ANKRD44: variants seen among roughly 807,000 people sequenced by gnomAD.
ANKRD44 encodes serine/threonine-protein phosphatase 6 regulatory ankyrin repeat subunit B.
In ANKRD44, 35 loss-of-function variants were observed where a neutral mutation model predicts 116.0. The ratio of observed to expected loss-of-function variants is 0.30; its 90% CI spans 0.23 to 0.40. The LOEUF (loss-of-function observed/expected upper bound fraction) is 0.40, where lower values mean the gene tolerates loss of function less well. Ranked by LOEUF, ANKRD44 falls within the 10% of genes least tolerant of loss-of-function variation. ANKRD44 has a pLI of 1.00. For synonymous variants in ANKRD44, 435 were observed against 461.8 expected, an observed-to-expected ratio of 0.94 and a Z score of 0.74; for missense variants, 1,014 against 1,242.6, an observed-to-expected ratio of 0.82 and a Z score of 2.77.
Position 196,993,637 on chromosome 2 carries a change from C to T in ANKRD44, c.2869G>A (p.Val957Ile), listed in dbSNP as rs2075960080. Residue 957 changes from valine to isoleucine, a missense_variant, in exon 27 of 28, where the codon GTA (valine) becomes ATA (isoleucine). Transcript: ENST00000282272. ...CCTTTGGCCAGCAACTCCTCAACTA[C>T]CACCTTTAAGCCATTGCGCGCAGCG... is the stretch of plus-strand genomic sequence containing the variant. The part of the protein sequence containing the change: ...HVAARNGLKV[V>I]VEELLAKGAC... The T allele has an allele frequency of 5.2e-6, 8 of 1,550,958 alleles. No individual in the cohort carries two copies. The highest frequency in any genetic ancestry group is 1.7e-4 in the Middle Eastern group (1 of 5,998).
chr2:196,983,634 C>G (rs1016184646), downstream of ANKRD44, among the ~76,000 whole-genome samples: 2 of 152,190 alleles, frequency 1.3e-5, no homozygotes, highest in African/African-American at 4.8e-5. Flanking sequence ...TTTTTGTGCT[C>G]TAAAAGTACT....
intron 1 of ANKRD44, among the ~76,000 whole-genome samples, chr2:197,303,563 T>C (rs2083977533): frequency 6.6e-6 from 1 of 152,200 alleles, no homozygotes; most frequent in Non-Finnish European, 1.5e-5. Flanking sequence ...GTCTCCCTAA[T>C]TTTACTAAAA....
chr2:197,164,292 C>G (rs2080046324), intron 2 of ANKRD44, among the ~76,000 whole-genome samples: 2 of 152,200 alleles, frequency 1.3e-5, no homozygotes, highest in South Asian at 4.1e-4. Context: ...CCCTTGGTGC[C>G]TGCGGTTCTT....
chr2:197,168,520 A>G (rs186700250), intron 2 of ANKRD44, among the ~76,000 whole-genome samples: 51 of 152,264 alleles, frequency 3.3e-4, no homozygotes, highest in East Asian at 5.8e-4. Flanking sequence ...CAAACAGCCA[A>G]TTACTACATG....
At chr2:197,090,301 T>C (rs2078012979) in intron 10 of ANKRD44, among the ~76,000 whole-genome samples, 2 of 152,214 alleles carry the variant, frequency 1.3e-5, no homozygotes, top group South Asian at 4.1e-4. Flanking sequence ...ACATAAAGCA[T>C]GACTCCTTAA....
chr2:197,071,139 T>C (rs907190438), intron 16 of ANKRD44, among the ~76,000 whole-genome samples: 1 of 152,198 alleles, frequency 6.6e-6, no homozygotes, highest in Admixed American at 6.6e-5. Flanking sequence ...TTGTCAATGT[T>C]ACTGATTTTT....
downstream of ANKRD44, among the ~76,000 whole-genome samples, chr2:196,985,611 A>G (rs115603965): frequency 0.02 from 3,052 of 152,314 alleles, 43 homozygotes; most frequent in Middle Eastern, 0.095. Flanking sequence ...TCAGATCACT[A>G]TCTTCAAAAA....
chr2:197,029,241 G>A (rs1574308723), intron 16 of ANKRD44: 2 of 187,002 alleles, frequency 1.1e-5, no homozygotes, highest in South Asian at 2.1e-4. Context: ...TTGGTTTTCT[G>A]TCCTTCTGAC....
chr2:197,030,749 C>G (rs776350044), intron 16 of ANKRD44, among the ~76,000 whole-genome samples: 1 of 151,888 alleles, frequency 6.6e-6, no homozygotes, highest in Non-Finnish European at 1.5e-5. Flanking sequence ...CTTAAAAGAG[C>G]TAGAGTGGTT....
At chr2:197,058,280 C>T (rs1168951146) in intron 16 of ANKRD44, among the ~76,000 whole-genome samples, 1 of 152,138 alleles carries the variant, frequency 6.6e-6, no homozygotes, top group African/African-American at 2.4e-5. Context: ...CCATGCCTGA[C>T]ACCGCAGGTC....
intron 25 of ANKRD44, among the ~76,000 whole-genome samples, chr2:196,997,023 A>T (rs542412459): frequency 3.6e-4 from 55 of 152,182 alleles, no homozygotes; most frequent in African/African-American, 1.3e-3. Flanking sequence ...AGCATTATTT[A>T]TACAGGTTGA....
intron 1 of ANKRD44, among the ~76,000 whole-genome samples, chr2:197,232,932 A>G (rs1047280003): frequency 1.3e-5 from 2 of 152,210 alleles, no homozygotes; most frequent in African/African-American, 4.8e-5. Context: ...AGACAGTTCT[A>G]TTATATTTGT....
intron 1 of ANKRD44, among the ~76,000 whole-genome samples, chr2:197,227,791 C>T (rs1264670656): frequency 1.3e-5 from 2 of 152,130 alleles, no homozygotes; most frequent in Non-Finnish European, 2.9e-5. Flanking sequence ...TCATTTTCCT[C>T]ATAGGTAAAG....
intron 1 of ANKRD44, among the ~76,000 whole-genome samples, chr2:197,274,028 T>TA (rs2083004090): frequency 2.5e-5 from 2 of 80,116 alleles, no homozygotes; most frequent in African/African-American, 4.0e-5. Flanking sequence ...TATATATATA[T>TA]GAATCAGACA....
intron 1 of ANKRD44, among the ~76,000 whole-genome samples, chr2:197,263,958 A>G (rs200599276): frequency 6.6e-5 from 10 of 152,058 alleles, no homozygotes; most frequent in Non-Finnish European, 1.5e-4. Flanking sequence ...TGTTCTTAAA[A>G]GAAAGGAGGC....
intron 10 of ANKRD44, among the ~76,000 whole-genome samples, chr2:197,098,088 T>A (rs969386757): frequency 6.6e-6 from 1 of 152,202 alleles, no homozygotes; most frequent in Admixed American, 6.5e-5. Context: ...CTATATATCC[T>A]TCCTTTTGTT....
At chr2:197,154,707 C>T (rs985651543) in intron 2 of ANKRD44, among the ~76,000 whole-genome samples, 3 of 152,092 alleles carry the variant, frequency 2.0e-5, no homozygotes, top group Non-Finnish European at 1.5e-5. Context: ...CCCCAAGTTA[C>T]CATAAGAGAA....
intron 16 of ANKRD44, among the ~76,000 whole-genome samples, chr2:197,071,896 C>T (rs1490396894): frequency 6.6e-6 from 1 of 152,146 alleles, no homozygotes; most frequent in African/African-American, 2.4e-5. Flanking sequence ...ATATTTAGGA[C>T]ACTCTCCTTG....
At chr2:197,127,469 T>C (rs191935645) in intron 4 of ANKRD44, among the ~76,000 whole-genome samples, 1 of 152,286 alleles carries the variant, frequency 6.6e-6, no homozygotes, top group African/African-American at 2.4e-5. Flanking sequence ...GGGAGTAATT[T>C]GATGGCTATT....
Sources: allele counts gnomAD v4.1 joint callset (sites outside exome capture counted in the v4.1 genomes callset), GRCh38; gene constraint gnomAD v4.1.1; transcripts MANE v1.5; gene names NCBI Gene and HGNC (gene_info 2026-07-23, HGNC 2026-07-21).